KIF26A: variants seen among roughly 807,000 people sequenced by gnomAD.
KIF26A encodes kinesin family member 26A.
KIF26A carries 74 observed loss-of-function variants against 126.0 expected under a neutral mutation model. The observed-to-expected ratio is 0.59, with a 90% CI of 0.49 to 0.71. The LOEUF (loss-of-function observed/expected upper bound fraction) is 0.71, where lower values mean the gene tolerates loss of function less well. KIF26A is among the 30% of genes least tolerant of loss of function. The probability of loss-of-function intolerance (pLI) is 0.00; values close to 1 mark genes in which losing one functional copy is unlikely to be tolerated. For missense variants in KIF26A, 2,984 were observed against 2,763.3 expected, an observed-to-expected ratio of 1.08 and a Z score of -1.79; for synonymous variants, 1,445 against 1,232.7, an observed-to-expected ratio of 1.17 and a Z score of -3.61.
At position 104,177,641 on chromosome 14, in the gene KIF26A, C is replaced by T; in HGVS notation, c.4853C>T (p.Ala1618Val). ...CCCTCCCCCTACAGCAAGGTGACCG[C>T]CCCACGGCGGCCCCAGCGCTACAGC... Reference protein sequence around the residue: ...ALPSPYSKVTAPRRPQRYSSG... With the variant: ...ALPSPYSKVTVPRRPQRYSSG... Residue 1618 changes from alanine (A) to valine (V), a missense_variant, in exon 12 of 15, where the codon GCC becomes GTC. Transcript: ENST00000423312. 2.0e-6 allele frequency: 3 copies of T among 1,526,400 alleles called. No homozygotes were observed. The highest frequency in any genetic ancestry group is 2.6e-6 in the Non-Finnish European group (3 of 1,141,108). The allele number at this position is 1,526,400 out of a possible 1,614,324, so 94.6% of individuals were successfully genotyped here.
rs1439448335 is a variant in KIF26A at position 104,174,318 on chromosome 14, C to G, written c.2193+8C>G. The G allele has an allele frequency of 6.6e-7, 1 of 1,521,180 alleles. No homozygotes were observed. The highest frequency in any genetic ancestry group is 8.8e-7 in the Non-Finnish European group (1 of 1,130,142). 94.2% of individuals were successfully genotyped at this position (1,521,180 alleles called of 1,614,324 possible). On this transcript the variant is annotated splice_region_variant and intron_variant, in intron 11 of 14. Coordinates refer to ENST00000423312, the MANE Select transcript of KIF26A (RefSeq NM_015656.2). ...CGCAGGAAGAAGGCCAAGGTGCTCC[C>G]CACCTCCTGCCCGCCCCATCTCGGG...
Position 104,177,866 on chromosome 14 carries a change from G to A in KIF26A, c.5078G>A (p.Arg1693His), listed in dbSNP as rs766672009. 12 of 1,553,294 alleles carry A rather than the reference G, an allele frequency of 7.7e-6. No individual in the cohort carries two copies. Among genetic ancestry groups the A allele is most frequent in the East Asian group, 4.6e-5 (2 of 43,926 alleles). The change falls in exon 12 of 15, where the codon CGC becomes CAC. Residue 1693 changes from arginine to histidine, a missense_variant. By Grantham distance (29) the Arg-to-His change is conservative. Transcript: ENST00000423312. ...SGAASPGART[R>H]SLKSPKKRAT... ...GCTGCCTCCCCAGGCGCCCGCACCCGCAGCCTCAAGTCCCCCAAGAAGAGG... is the reference window on the plus strand; with the variant it reads ...GCTGCCTCCCCAGGCGCCCGCACCCACAGCCTCAAGTCCCCCAAGAAGAGG...
Position 104,179,284 on chromosome 14 carries a change from C to T in KIF26A, c.5365C>T (p.Gln1789Ter), listed in dbSNP as rs1297555320. 6.5e-7 allele frequency: 1 copy of T among 1,532,062 alleles called. No individual in the cohort carries two copies. The allele number at this position is 1,532,062 out of a possible 1,614,324, so 94.9% of individuals were successfully genotyped here. A position where few individuals can be genotyped will look rare whatever the true frequency, so the allele number is the denominator to read the frequency against. ...GCTGCGGCTGGCGGAGCGCAGGCAG[C>T]AGCGGCTGCGGGAGGTGCAGGCCAA... ...TRLRLAERRQ[Q>*]RLREVQAKHK... The change falls in exon 14 of 15, where the codon CAG becomes TAG. Residue 1789 changes from glutamine to a stop codon, truncating the protein, a stop_gained. Transcript: ENST00000423312. LOFTEE classifies it high-confidence loss of function.
intron 3 of KIF26A, among the ~76,000 whole-genome samples, chr14:104,156,247 C>T (rs756316812): frequency 2.6e-5 from 4 of 152,190 alleles, no homozygotes; most frequent in Non-Finnish European, 4.4e-5. Flanking sequence ...ATAGGGAGCA[C>T]ATACATTAAG....
chr14:104,166,891 G>A lies in KIF26A; in HGVS notation c.956G>A (p.Arg319Lys), dbSNP rs763375588. 1.3e-5 allele frequency: 20 copies of A among 1,585,796 alleles called. No homozygotes were observed. Among genetic ancestry groups the A allele is most frequent in the Admixed American group, 1.8e-5 (1 of 56,752 alleles). Residue 319 changes from arginine (R) to lysine (K), a missense_variant, in exon 5 of 15, where the codon AGG becomes AAG. Arg to Lys is a conservative substitution (Grantham distance 26). Coordinates refer to ENST00000423312, the MANE Select transcript of KIF26A (RefSeq NM_015656.2). ...AMQKLSLASKRKKPHPPPPPA... is the reference protein window; with the variant it reads ...AMQKLSLASKKKKPHPPPPPA... ...CAGAAGCTCAGCCTGGCCTCCAAGA[G>A]GAAGAAGCCCCACCCGCCACCGCCT...
chr14:104,173,717 C>G lies in KIF26A; in HGVS notation c.1879C>G (p.Arg627Gly), dbSNP rs752612776. The change falls in exon 10 of 15, where the codon CGC becomes GGC. Residue 627 changes from arginine (R) to glycine (G), a missense_variant. Arg to Gly is a moderately radical substitution (Grantham distance 125). Transcript: ENST00000423312. ...CCTTGTGGTTCCAGTGTCCGGAGGCCGCAGCCGCCTGCACCTCATCGACCT... is the reference window on the plus strand; with the variant it reads ...CCTTGTGGTTCCAGTGTCCGGAGGCGGCAGCCGCCTGCACCTCATCGACCT... ...KCGRGGMSGG[R>G]SRLHLIDLGS... 1.2e-6 allele frequency: 2 copies of G among 1,610,980 alleles called. No individual in the cohort carries two copies. Among genetic ancestry groups the G allele is most frequent in the East Asian group, 2.2e-5 (1 of 44,842 alleles).
rs2038078914 is a variant in KIF26A at position 104,179,627 on chromosome 14, T to C, written c.5486T>C (p.Leu1829Pro). 1.3e-6 allele frequency: 2 copies of C among 1,537,778 alleles called. No individual in the cohort carries two copies. The highest frequency in any genetic ancestry group is 1.8e-6 in the Non-Finnish European group (2 of 1,140,630). The part of the protein sequence containing the change: ...WLEQFEVDPE[L>P]EPESAEYLAA... Reference sequence around the variant, plus strand: ...TCCCCAGTTGAGGTGGACCCGGAGCTGGAGCCCGAGTCGGCCGAGTACCTG... The same window carrying C: ...TCCCCAGTTGAGGTGGACCCGGAGCCGGAGCCCGAGTCGGCCGAGTACCTG... The change falls in exon 15 of 15, where the codon CTG (leucine) becomes CCG (proline). Residue 1829 changes from leucine to proline, a missense_variant. Coordinates refer to ENST00000423312, the MANE Select transcript of KIF26A (RefSeq NM_015656.2).
At chr14:104,172,923 A>C in intron 7 of KIF26A, 54 bp from the exon 8 acceptor site, 1 of 1,507,088 alleles carries the variant, frequency 6.6e-7, no homozygotes, top group Non-Finnish European at 8.9e-7. Context: ...GCCAGTAGCC[A>C]TAAAGGCTCC....
intron 4 of KIF26A, among the ~76,000 whole-genome samples, chr14:104,158,256 A>G (rs1002734863): frequency 1.7e-4 from 26 of 152,226 alleles, no homozygotes; most frequent in Non-Finnish European, 2.4e-4. Flanking sequence ...GGGCAAATCA[A>G]CTAACCTCTC....
intron 6 of KIF26A, 140 bp downstream of exon 6, chr14:104,172,075 G>C: frequency 1.2e-6 from 1 of 808,888 alleles, no homozygotes; most frequent in East Asian, 2.7e-5. Flanking sequence ...TGCGGCGCCT[G>C]CCTGCTTACC....
intron 4 of KIF26A, among the ~76,000 whole-genome samples, chr14:104,164,545 A>C (rs910190337): frequency 6.6e-6 from 1 of 152,138 alleles, no homozygotes. Context: ...GGTGGGCCAC[A>C]GAGAAGCCAC....
Position 104,151,913 on chromosome 14 carries a change from G to A in KIF26A, c.289-102G>A, listed in dbSNP as rs1442015888. ...GTTACGGATGGTGCGGTGGCCAGGC[G>A]GGAGCTCGCAGCGTCATGGACGGTG... On this transcript the variant is annotated intron_variant, in intron 2 of 14. Coordinates refer to ENST00000423312, the MANE Select transcript of KIF26A (RefSeq NM_015656.2). The surrounding 1 kb of genome is among the most constrained non-coding windows in gnomAD (Gnocchi z 4.9). The A allele has an allele frequency of 1.5e-5, 15 of 975,624 alleles. No homozygotes were observed. In the Admixed American group the frequency reaches 1.8e-4, roughly 12 times the overall value. 60.4% of individuals were successfully genotyped at this position (975,624 alleles called of 1,614,324 possible). A position where few individuals can be genotyped will look rare whatever the true frequency, so the allele number is the denominator to read the frequency against.
intron 5 of KIF26A, among the ~76,000 whole-genome samples, chr14:104,171,068 G>A (rs910901596): frequency 6.6e-6 from 1 of 152,248 alleles, no homozygotes. Flanking sequence ...TGAGGCCGAG[G>A]CGTCAGAATT....
chr14:104,174,975 C>T lies in KIF26A; in HGVS notation c.2194-7C>T, dbSNP rs1370542160. 5 of 1,518,952 alleles carry T rather than the reference C, an allele frequency of 3.3e-6. No individual in the cohort carries two copies. The highest frequency in any genetic ancestry group is 1.4e-5 in the African/African-American group (1 of 72,868). 94.1% of individuals were successfully genotyped at this position (1,518,952 alleles called of 1,614,324 possible). A position where few individuals can be genotyped will look rare whatever the true frequency, so the allele number is the denominator to read the frequency against. On this transcript the variant is annotated splice_region_variant and splice_polypyrimidine_tract_variant and intron_variant, in intron 11 of 14. Coordinates refer to ENST00000423312, the MANE Select transcript of KIF26A (RefSeq NM_015656.2). Reference sequence around the variant, plus strand: ...TGGGCTCGGCAGCTCCACTTTTCTTCCCCCAGTACGCCTCCAGCTCCTCTG... The same window carrying T: ...TGGGCTCGGCAGCTCCACTTTTCTTTCCCCAGTACGCCTCCAGCTCCTCTG...
At chr14:104,171,633 G>C in intron 5 of KIF26A, 90 bp from the exon 6 acceptor site, 1 of 1,152,088 alleles carries the variant, frequency 8.7e-7, no homozygotes, top group South Asian at 1.4e-5. Context: ...CTGGCCCGCT[G>C]TCCCCACCTG....
At chr14:104,140,334 T>C (rs886280075) in intron 2 of KIF26A, among the ~76,000 whole-genome samples, 18 of 152,252 alleles carry the variant, frequency 1.2e-4, no homozygotes, top group African/African-American at 4.3e-4. Flanking sequence ...GGACCCGCCC[T>C]GTCCTCTGCT....
rs986067498 is a variant in KIF26A, at chr14:104,138,718, C to T, written c.-5C>T. The T allele has an allele frequency of 1.6e-6, 2 of 1,265,102 alleles. No homozygotes were observed. The highest frequency in any genetic ancestry group is 9.9e-7 in the Non-Finnish European group (1 of 1,007,152). The allele number at this position is 1,265,102 out of a possible 1,614,324, so 78.4% of individuals were successfully genotyped here. A position where few individuals can be genotyped will look rare whatever the true frequency, so the allele number is the denominator to read the frequency against. On this transcript the variant is annotated 5_prime_UTR_variant, in exon 1 of 15. Coordinates refer to ENST00000423312, the MANE Select transcript of KIF26A (RefSeq NM_015656.2). ...CGCCTGCCGGGCTCTTCCCGCGCCC[C>T]GGCCATGGTCGGCCGCGGCGTCCCT... is the stretch of plus-strand genomic sequence containing the variant.
intron 2 of KIF26A, among the ~76,000 whole-genome samples, chr14:104,143,044 G>C (rs1163746445): frequency 6.6e-6 from 1 of 152,252 alleles, no homozygotes; most frequent in Non-Finnish European, 1.5e-5. Context: ...CGTCATGTGA[G>C]GTGTTGACTC....
chr14:104,159,640 C>T (rs2037815055), intron 4 of KIF26A, among the ~76,000 whole-genome samples: 1 of 152,216 alleles, frequency 6.6e-6, no homozygotes, highest in Non-Finnish European at 1.5e-5. Context: ...GGGCTGGGGA[C>T]CCAGAGGCGG....
Sources: allele counts gnomAD v4.1 joint callset (sites outside exome capture counted in the v4.1 genomes callset), GRCh38; gene constraint gnomAD v4.1.1; non-coding constraint Gnocchi (gnomAD v3.1); transcripts MANE v1.5; gene names NCBI Gene and HGNC (gene_info 2026-07-23, HGNC 2026-07-21).